TRAPPC9: variants seen among roughly 807,000 people sequenced by gnomAD.
TRAPPC9 encodes trafficking protein particle complex subunit 9, also known as IKK2 binding protein.
Under a neutral mutation model 124.0 loss-of-function variants are expected in TRAPPC9, and 83 were observed. The ratio of observed to expected loss-of-function variants is 0.67; its 90% CI spans 0.56 to 0.80. The LOEUF (loss-of-function observed/expected upper bound fraction) is 0.80, where lower values mean the gene tolerates loss of function less well. Among genes scored for constraint, TRAPPC9 ranks in the 30% least tolerant of loss-of-function variants. The probability of loss-of-function intolerance (pLI) is 0.00; values close to 1 mark genes in which losing one functional copy is unlikely to be tolerated. For missense variants in TRAPPC9, 1,302 were observed against 1,508.3 expected, an observed-to-expected ratio of 0.86 and a Z score of 2.27; for synonymous variants, 638 against 617.5, an observed-to-expected ratio of 1.03 and a Z score of -0.49.
chr8:140,047,684 C>T (rs1841703238), intron 17 of TRAPPC9, among the ~76,000 whole-genome samples: 1 of 152,188 alleles, frequency 6.6e-6, no homozygotes, highest in Non-Finnish European at 1.5e-5. Flanking sequence ...ACAGCAACAA[C>T]AACACCCAGT....
chr8:140,154,208 G>A (rs990727198), intron 17 of TRAPPC9, among the ~76,000 whole-genome samples: 3 of 151,856 alleles, frequency 2.0e-5, no homozygotes, highest in African/African-American at 7.3e-5. Context: ...CCCATCCAAC[G>A]CCCAGGCCAG....
chr8:139,881,509 T>C (rs2131092040), intron 21 of TRAPPC9, among the ~76,000 whole-genome samples: 1 of 152,234 alleles, frequency 6.6e-6, no homozygotes, highest in South Asian at 2.1e-4. Context: ...TCCTCCAAAC[T>C]AGCAAATAGA....
chr8:139,943,978 C>G (rs1254080419), intron 19 of TRAPPC9, among the ~76,000 whole-genome samples: 1 of 152,060 alleles, frequency 6.6e-6, no homozygotes, highest in Admixed American at 6.6e-5. Flanking sequence ...AAGAATGAGG[C>G]CGAAAAACAC....
intron 6 of TRAPPC9, among the ~76,000 whole-genome samples, chr8:140,404,725 C>T (rs1177501082): frequency 6.6e-6 from 1 of 150,446 alleles, no homozygotes; most frequent in African/African-American, 2.4e-5. Context: ...CATGTGTGTA[C>T]ATGCATGTGT....
chr8:140,105,285 T>C (rs2060644009), intron 17 of TRAPPC9, among the ~76,000 whole-genome samples: 1 of 152,164 alleles, frequency 6.6e-6, no homozygotes, highest in Non-Finnish European at 1.5e-5. Context: ...TATGGCAAAT[T>C]GATGGATGAA....
At chr8:139,972,837 T>C (rs552632440) in intron 19 of TRAPPC9, among the ~76,000 whole-genome samples, 1 of 152,320 alleles carries the variant, frequency 6.6e-6, no homozygotes, top group East Asian at 1.9e-4. Context: ...AAAATGCTTA[T>C]AGATGAGGCA....
intron 17 of TRAPPC9, among the ~76,000 whole-genome samples, chr8:140,047,161 C>A (rs1587585797): frequency 6.6e-6 from 1 of 152,354 alleles, no homozygotes; most frequent in Admixed American, 6.5e-5. Context: ...GTTGGAGGAG[C>A]TAAATATAGC....
At chr8:140,416,999 G>C (rs1588314016) in intron 5 of TRAPPC9, among the ~76,000 whole-genome samples, 1 of 152,158 alleles carries the variant, frequency 6.6e-6, no homozygotes, top group South Asian at 2.1e-4. Context: ...ATGGTGTTGG[G>C]AAAACTGGCT....
chr8:140,167,182 T>C (rs1228177584), intron 17 of TRAPPC9, among the ~76,000 whole-genome samples: 2 of 150,998 alleles, frequency 1.3e-5, no homozygotes, highest in East Asian at 3.9e-4. Flanking sequence ...CAGTTTGAGA[T>C]CAGAGTATGC....
intron 9 of TRAPPC9, among the ~76,000 whole-genome samples, chr8:140,355,811 C>A (rs1477186574): frequency 6.6e-6 from 1 of 152,198 alleles, no homozygotes; most frequent in East Asian, 1.9e-4. Flanking sequence ...AATAAGAGTT[C>A]ACATTTACAT....
intron 21 of TRAPPC9, among the ~76,000 whole-genome samples, chr8:139,768,936 C>T (rs530994066): frequency 2.0e-5 from 3 of 152,324 alleles, no homozygotes; most frequent in Admixed American, 2.0e-4. Flanking sequence ...GAGATTAAAA[C>T]AGACACACAC....
intron 6 of TRAPPC9, among the ~76,000 whole-genome samples, chr8:140,399,211 T>G (rs904556481): frequency 6.6e-6 from 1 of 152,250 alleles, no homozygotes; most frequent in Non-Finnish European, 1.5e-5. Flanking sequence ...GGAGAACCTC[T>G]GCTAGGGCAG....
At position 140,084,919 on chromosome 8, in the gene TRAPPC9, T is replaced by G. The variant is rs534722490; in HGVS notation, c.2557-60840A>C. Among the ~76,000 whole-genome samples the G allele has an allele frequency of 3.3e-5, 5 of 152,322 alleles. No homozygotes were observed. The East Asian group carries it at 9.6e-4, about 29-fold the overall frequency. ...TCCTGTTACAGACAGGAAACTGATA[T>G]CCAGTGGGGTATGGTAACTTGCCCA... is the stretch of plus-strand genomic sequence containing the variant. On this transcript the variant is annotated intron_variant, in intron 17 of 22. Transcript: ENST00000438773.
intron 11 of TRAPPC9, among the ~76,000 whole-genome samples, chr8:140,294,077 A>T (rs1047119545): frequency 6.6e-6 from 1 of 152,014 alleles, no homozygotes; most frequent in East Asian, 1.9e-4. Context: ...TGCCTGTCCT[A>T]TGGTCCTGAG....
chr8:139,842,609 C>T (rs1000972873), intron 21 of TRAPPC9, among the ~76,000 whole-genome samples: 1 of 150,350 alleles, frequency 6.7e-6, no homozygotes, highest in Non-Finnish European at 1.5e-5. Context: ...GGGCCATGAT[C>T]ACAGCATGGC....
chr8:139,869,992 A>G (rs909393076), intron 21 of TRAPPC9, among the ~76,000 whole-genome samples: 1 of 152,230 alleles, frequency 6.6e-6, no homozygotes, highest in African/African-American at 2.4e-5. Flanking sequence ...TGCAACCCAC[A>G]GGTAGATATT....
chr8:140,372,029 C>G (rs1259372273), intron 7 of TRAPPC9, among the ~76,000 whole-genome samples: 2 of 152,216 alleles, frequency 1.3e-5, no homozygotes, highest in African/African-American at 4.8e-5. Flanking sequence ...TCAGCACCTA[C>G]TGTATGGCAG....
At chr8:140,074,633 C>CA (rs1355997952) in intron 17 of TRAPPC9, among the ~76,000 whole-genome samples, 5 of 152,196 alleles carry the variant, frequency 3.3e-5, no homozygotes, top group Non-Finnish European at 5.9e-5. Flanking sequence ...TTGAAAAACT[C>CA]AGAGGAAAGA....
chr8:139,939,652 TG>T (rs375680609), intron 19 of TRAPPC9, among the ~76,000 whole-genome samples: 8 of 152,334 alleles, frequency 5.3e-5, no homozygotes, highest in African/African-American at 9.6e-5. Flanking sequence ...ACCCCGTCGC[TG>T]GGGGCTCTGT....
Sources: allele counts gnomAD v4.1 joint callset (sites outside exome capture counted in the v4.1 genomes callset), GRCh38; gene constraint gnomAD v4.1.1; transcripts MANE v1.5; gene names NCBI Gene and HGNC (gene_info 2026-07-23, HGNC 2026-07-21).